SZT2: variants seen among roughly 807,000 people sequenced by gnomAD.
SZT2 encodes KICSTOR complex protein SZT2.
SZT2 carries 216 observed loss-of-function variants against 404.2 expected under a neutral mutation model. The ratio of observed to expected loss-of-function variants is 0.53; its 90% CI spans 0.48 to 0.60. SZT2 has a LOEUF of 0.60. Ranked by LOEUF, SZT2 falls within the 20% of genes least tolerant of loss-of-function variation. The pLI, the probability that SZT2 is intolerant of heterozygous loss-of-function variation, is 0.00. For missense variants in SZT2, 3,857 were observed against 4,459.2 expected (o/e 0.86, Z 3.85); for synonymous variants, 1,693 against 1,749.9 (o/e 0.97, Z 0.81).
rs1022055799 is a variant in SZT2, at chr1:43,446,057, G to A, written c.8916+73G>A. The A allele has an allele frequency of 2.5e-6, 4 of 1,587,060 alleles. No homozygotes were observed. The Middle Eastern group carries it at 5.1e-4, about 202-fold the overall frequency. On this transcript the variant is annotated intron_variant, in intron 63 of 71. Transcript: ENST00000634258. ...CACGGCCTGAGGTCATTGACCCTGA[G>A]TGATGTACCGAGGTCACTGATCCCA...
In SZT2 at chr1:43,425,860, T is replaced by C. The variant is rs1653081395; in HGVS notation, c.2840T>C (p.Ile947Thr). Residue 947 changes from isoleucine (I) to threonine (T), a missense_variant, in exon 20 of 72, where the codon ATA becomes ACA. By Grantham distance (89) the Ile-to-Thr change is moderately conservative. Around this residue, in one of 7 missense-constraint regions of SZT2, gnomAD observed 1,725 missense variants for 1,881.0 expected, o/e 0.92. Coordinates refer to ENST00000634258, the MANE Select transcript of SZT2 (RefSeq NM_001365999.1). This position sits in a 1 kb window ranked among gnomAD's most constrained non-coding sequence, Gnocchi z 4.3. ...CTCCACCCACGGGATGCTGCCTGCATAGGCTCCATGCTGAGCTTTGAATAC... is the reference window on the plus strand; with the variant it reads ...CTCCACCCACGGGATGCTGCCTGCACAGGCTCCATGCTGAGCTTTGAATAC... ...QALHPRDAAC[I>T]GSMLSFEYLI... The C allele has an allele frequency of 2.5e-6, 4 of 1,613,956 alleles. No homozygotes were observed. In the African/African-American group the frequency reaches 4.0e-5, roughly 16 times the overall value.
rs1455255510 is a variant in SZT2, at chr1:43,443,882, C to T, written c.8825+86C>T. On this transcript the variant is annotated intron_variant, in intron 62 of 71. Transcript: ENST00000634258. The stretch of plus-strand genomic sequence containing the variant: ...AGGCCCTTCCTCTCTTTACAAGGTC[C>T]TATGTTGACAATTTGGGCTGGGCCT... 5 of 1,536,732 alleles carry T rather than the reference C, an allele frequency of 3.3e-6. No individual in the cohort carries two copies. In the African/African-American group the frequency reaches 4.1e-5, roughly 13 times the overall value.
intron 1 of SZT2, among the ~76,000 whole-genome samples, chr1:43,397,735 G>T (rs143588867): frequency 0.013 from 2,048 of 151,984 alleles, 51 homozygotes; most frequent in African/African-American, 0.047. Flanking sequence ...CGCCACATTG[G>T]CCAGGCTGGT....
Position 43,414,999 on chromosome 1 carries a change from C to T in SZT2, c.499-83C>T, listed in dbSNP as rs1203520273. ...GGAAGTCAGGATCGCCTAGATGGAG[C>T]TATGGAGAATAAACAGAGCAGAAGT... On this transcript the variant is annotated intron_variant, in intron 4 of 71. Coordinates refer to ENST00000634258, the MANE Select transcript of SZT2 (RefSeq NM_001365999.1). 2.0e-6 allele frequency: 3 copies of T among 1,512,742 alleles called. No individual in the cohort carries two copies. The African/African-American group carries it at 4.1e-5, about 21-fold the overall frequency. 93.7% of individuals were successfully genotyped at this position (1,512,742 alleles called of 1,614,324 possible).
intron 28 of SZT2, chr1:43,428,732 G>A: frequency 1.9e-6 from 1 of 531,136 alleles, no homozygotes; most frequent in South Asian, 2.3e-5. Context: ...CTGAGTCAGG[G>A]ATAGGGAGTC....
At chr1:43,422,927 G>A (rs759031257) in intron 14 of SZT2, 44 bp downstream of exon 14, 16 of 1,535,054 alleles carry the variant, frequency 1.0e-5, no homozygotes, top group Non-Finnish European at 1.3e-5. Flanking sequence ...GCCCTAGGGT[G>A]TAGGATAGCT....
In SZT2 at chr1:43,451,259, GC is replaced by G; in HGVS notation, c.*783del. On this transcript the variant is annotated 3_prime_UTR_variant, in exon 72 of 72. Coordinates refer to ENST00000634258, the MANE Select transcript of SZT2 (RefSeq NM_001365999.1). The stretch of plus-strand genomic sequence containing the variant: ...GCCCTCACTGGCCAGCCTCTGGGTG[GC>G]CCCGCCTATCCCAGTATGAACGTAG... 5 of 1,613,900 alleles carry G rather than the reference GC, an allele frequency of 3.1e-6. No individual in the cohort carries two copies. The highest frequency in any genetic ancestry group is 4.2e-6 in the Non-Finnish European group (5 of 1,180,044).
In SZT2 at chr1:43,415,031, G is replaced by T. The variant is rs1364791906; in HGVS notation, c.499-51G>T. The T allele has an allele frequency of 3.2e-6, 5 of 1,578,648 alleles. No individual in the cohort carries two copies. The South Asian group carries it at 4.5e-5, about 14-fold the overall frequency. Reference sequence around the variant, plus strand: ...GAATAAACAGAGCAGAAGTGTAGTGGTCTGTGCCACCCTGACCGTCCTGTC... The same window carrying T: ...GAATAAACAGAGCAGAAGTGTAGTGTTCTGTGCCACCCTGACCGTCCTGTC... On this transcript the variant is annotated intron_variant, in intron 4 of 71. Transcript: ENST00000634258.
In SZT2 at chr1:43,451,189, G is replaced by A; in HGVS notation, c.*709G>A. 1 of 1,518,164 alleles carries A rather than the reference G, an allele frequency of 6.6e-7. No individual in the cohort carries two copies. The highest frequency in any genetic ancestry group is 9.2e-7 in the Non-Finnish European group (1 of 1,092,700). The allele number at this position is 1,518,164 out of a possible 1,614,324, so 94.0% of individuals were successfully genotyped here. A position where few individuals can be genotyped will look rare whatever the true frequency, so the allele number is the denominator to read the frequency against. On this transcript the variant is annotated 3_prime_UTR_variant, in exon 72 of 72. Transcript: ENST00000634258. ...AGGTCATCTTTAATGCAGAGGAGGA[G>A]ATGGGATGTCACTCGCTGTCTGGAG...
Position 43,439,212 on chromosome 1 carries a change from A to T in SZT2, c.6792+119A>T. 1 of 1,540,444 alleles carries T rather than the reference A, an allele frequency of 6.5e-7. No homozygotes were observed. The highest frequency in any genetic ancestry group is 8.9e-7 in the Non-Finnish European group (1 of 1,122,266). ...TTTGCCCATGGACCTGGGTACACCC[A>T]TGCCCCCCCGGGGACCATTATTACC... On this transcript the variant is annotated intron_variant, in intron 48 of 71. Coordinates refer to ENST00000634258, the MANE Select transcript of SZT2 (RefSeq NM_001365999.1). The surrounding 1 kb of genome is among the most constrained non-coding windows in gnomAD (Gnocchi z 4.2).
At chr1:43,409,129 C>A (rs1339865445) in intron 4 of SZT2, among the ~76,000 whole-genome samples, 3 of 152,132 alleles carry the variant, frequency 2.0e-5, no homozygotes, top group African/African-American at 4.8e-5. Context: ...GACAGATTAG[C>A]TACAGGGAAA....
chr1:43,442,251 C>A lies in SZT2; in HGVS notation c.7874-17C>A, dbSNP rs1655143512. The A allele has an allele frequency of 6.2e-7, 1 of 1,608,984 alleles. No homozygotes were observed. Among genetic ancestry groups the A allele is most frequent in the African/African-American group, 1.3e-5 (1 of 74,814 alleles). On this transcript the variant is annotated splice_polypyrimidine_tract_variant and intron_variant, in intron 56 of 71. Coordinates refer to ENST00000634258, the MANE Select transcript of SZT2 (RefSeq NM_001365999.1). This position sits in a 1 kb window ranked among gnomAD's most constrained non-coding sequence, Gnocchi z 4.5. ...TCTGTTCCCAGGCCCCTATTGTGCC[C>A]CTCCCCCACCCTGTAGCTGCCAAAG...
chr1:43,434,135 A>T (rs1471482570), intron 40 of SZT2, among the ~76,000 whole-genome samples: 3 of 152,214 alleles, frequency 2.0e-5, no homozygotes, highest in Admixed American at 1.3e-4. Flanking sequence ...TGGTACCCGT[A>T]TGGGAGCTGG....
chr1:43,438,661 T>A (rs763761552), intron 46 of SZT2, 38 bp from the exon 47 acceptor site: 3 of 1,595,434 alleles, frequency 1.9e-6, no homozygotes, highest in Non-Finnish European at 2.6e-6. Context: ...CTGGATCCTC[T>A]ACCAGTGTCC....
chr1:43,406,227 A>T (rs895888038), intron 4 of SZT2: 2 of 305,616 alleles, frequency 6.5e-6, no homozygotes, highest in Non-Finnish European at 1.3e-5. Context: ...AGCTGGGATT[A>T]CAGGTGCCCA....
rs550985895 is a variant in SZT2, at chr1:43,426,099, A to G, written c.2991A>G (p.Gly997=). The G allele has an allele frequency of 1.2e-6, 2 of 1,614,026 alleles. No individual in the cohort carries two copies. Among genetic ancestry groups the G allele is most frequent in the South Asian group, 1.1e-5 (1 of 91,060 alleles). ...TCCCTTTCCATTTTGACCTAATGGG[A>G]TTGCTGCCACAGTGCCAGCAGCTCC... The part of the protein sequence containing the change: ...HEIPFHFDLM[G]LLPQCQQLQM... Residue 997 remains glycine, a synonymous_variant, in exon 21 of 72, where the codon GGA becomes GGG. Coordinates refer to ENST00000634258, the MANE Select transcript of SZT2 (RefSeq NM_001365999.1). This position sits in a 1 kb window ranked among gnomAD's most constrained non-coding sequence, Gnocchi z 4.9.
chr1:43,410,578 A>G (rs12750507), intron 4 of SZT2: 1 of 150,344 alleles, frequency 6.7e-6, no homozygotes, highest in African/African-American at 2.4e-5. Flanking sequence ...AAAAAAAAAA[A>G]GACTTAAATC....
In SZT2 at chr1:43,443,538, CCA is replaced by C. The variant is rs750897418; in HGVS notation, c.8626-58_8626-57del. Reference sequence around the variant, plus strand: ...CTTACCCCACAGTGACCCCCCTCCTCCATCCCCAGCAGGATGGTTGACAGTGG... The same window carrying C: ...CTTACCCCACAGTGACCCCCCTCCTCTCCCCAGCAGGATGGTTGACAGTGG... On this transcript the variant is annotated intron_variant, in intron 61 of 71. Coordinates refer to ENST00000634258, the MANE Select transcript of SZT2 (RefSeq NM_001365999.1). 990 of 1,613,422 alleles carry C rather than the reference CCA, an allele frequency of 6.1e-4. 5 individuals carry two copies. Among genetic ancestry groups the C allele is most frequent in the Non-Finnish European group, 1.6e-4 (190 of 1,179,638 alleles).
intron 1 of SZT2, among the ~76,000 whole-genome samples, chr1:43,393,132 C>T (rs1307798562): frequency 6.6e-6 from 1 of 152,176 alleles, no homozygotes; most frequent in East Asian, 1.9e-4. Flanking sequence ...GACATTTAAG[C>T]TGAAGCCTGA....
Sources: gnomAD v4.1 joint callset for allele counts (sites outside exome capture counted in the v4.1 genomes callset) on GRCh38, gnomAD v4.1.1 for gene constraint, gnomAD v4.1.1 regional missense constraint, Gnocchi (gnomAD v3.1) non-coding constraint, MANE v1.5 for transcripts, NCBI Gene and HGNC (gene_info 2026-07-23, HGNC 2026-07-21) for gene names.